EYS: variants seen among roughly 807,000 people sequenced by gnomAD.
EYS encodes the protein EGF-like photoreceptor maintenance factor, also known as protein eyes shut homolog.
In EYS, 250 loss-of-function variants were observed where a neutral mutation model predicts 282.1. The ratio of observed to expected loss-of-function variants is 0.89; its 90% CI spans 0.80 to 0.98. The LOEUF (loss-of-function observed/expected upper bound fraction) is 0.98. Among genes scored for constraint, EYS ranks in the 50% least tolerant of loss-of-function variants. The probability of loss-of-function intolerance (pLI) is 0.00; values close to 1 mark genes in which losing one functional copy is unlikely to be tolerated. For missense variants in EYS, 4,016 were observed against 3,709.0 expected, an observed-to-expected ratio of 1.08 and a Z score of -2.15; for synonymous variants, 1,355 against 1,282.9, an observed-to-expected ratio of 1.06 and a Z score of -1.20.
At chr6:64,708,062 G>A (rs963783446) in intron 22 of EYS, among the ~76,000 whole-genome samples, 2 of 152,022 alleles carry the variant, frequency 1.3e-5, no homozygotes, top group African/African-American at 2.4e-5. Flanking sequence ...AAACACAAAT[G>A]AAGACATACC....
chr6:65,071,877 T>A (rs1254108208), intron 12 of EYS, among the ~76,000 whole-genome samples: 1 of 151,842 alleles, frequency 6.6e-6, no homozygotes, highest in Non-Finnish European at 1.5e-5. Context: ...AGGTCTTCAC[T>A]CTACTACATA....
chr6:64,284,188 C>T (rs928580546), intron 30 of EYS, among the ~76,000 whole-genome samples: 3 of 152,188 alleles, frequency 2.0e-5, no homozygotes, highest in Non-Finnish European at 4.4e-5. Context: ...AAATCAAAAG[C>T]AAGTAAGTTA....
At chr6:65,341,032 T>A (rs1253791658) in intron 10 of EYS, among the ~76,000 whole-genome samples, 1 of 150,932 alleles carries the variant, frequency 6.6e-6, no homozygotes, top group Non-Finnish European at 1.5e-5. Context: ...ATAAAAAAAA[T>A]TCGAATATAT....
At chr6:65,460,538 A>T (rs1582325546) in intron 5 of EYS, among the ~76,000 whole-genome samples, 1 of 152,036 alleles carries the variant, frequency 6.6e-6, no homozygotes, top group Non-Finnish European at 1.5e-5. Flanking sequence ...GTTGAAAATA[A>T]TTATAGTGTT....
chr6:64,155,861 C>T (rs1229153292), intron 31 of EYS, among the ~76,000 whole-genome samples: 1 of 151,678 alleles, frequency 6.6e-6, no homozygotes, highest in South Asian at 2.1e-4. Context: ...TGTGTGAGTG[C>T]CTTACTTGCC....
At chr6:63,986,784 A>G (rs540554643) in intron 34 of EYS, among the ~76,000 whole-genome samples, 40 of 151,736 alleles carry the variant, frequency 2.6e-4, no homozygotes, top group African/African-American at 9.4e-4. Flanking sequence ...CTTGAGGGTA[A>G]AGGGTAGGAG....
At chr6:64,704,572 A>ATAATATTATAATTAT (rs1770929310) in intron 22 of EYS, among the ~76,000 whole-genome samples, 2 of 141,644 alleles carry the variant, frequency 1.4e-5, no homozygotes, top group East Asian at 2.5e-4. Context: ...CTCTCATTGA[A>ATAATATTATAATTAT]AGTAGATTTG....
At chr6:63,948,562 T>C (rs1169260804) in intron 35 of EYS, among the ~76,000 whole-genome samples, 2 of 152,174 alleles carry the variant, frequency 1.3e-5, no homozygotes, top group Non-Finnish European at 2.9e-5. Context: ...TGTTTTTCCA[T>C]TTTAGGGGAC....
chr6:64,660,306 A>C (rs1768952039), intron 22 of EYS, among the ~76,000 whole-genome samples: 1 of 152,008 alleles, frequency 6.6e-6, no homozygotes, highest in Non-Finnish European at 1.5e-5. Flanking sequence ...AACTGGAAGC[A>C]TTCCCTTTGA....
chr6:65,452,241 T>C (rs1764431401), intron 5 of EYS, among the ~76,000 whole-genome samples: 2 of 151,770 alleles, frequency 1.3e-5, no homozygotes, highest in South Asian at 4.1e-4. Flanking sequence ...TTAAGGGATA[T>C]TTTTATCATT....
chr6:64,048,628 C>A (rs1253548080), intron 33 of EYS, among the ~76,000 whole-genome samples: 1 of 152,126 alleles, frequency 6.6e-6, no homozygotes, highest in Admixed American at 6.6e-5. Flanking sequence ...AATTATTTTA[C>A]ATCATCAGAT....
intron 19 of EYS, among the ~76,000 whole-genome samples, chr6:64,856,321 A>G (rs1480938766): frequency 3.3e-5 from 5 of 151,856 alleles, no homozygotes; most frequent in Non-Finnish European, 7.4e-5. Context: ...TTTTTCCCAG[A>G]AAGGGTCTCA....
chr6:64,296,596 ATATTTTTTTTTT>A (rs1561913896), intron 30 of EYS, among the ~76,000 whole-genome samples: 4 of 6,160 alleles, frequency 6.5e-4, no homozygotes, highest in Admixed American at 2.0e-3. Context: ...ATATATATAT[ATATTTTTTTTTT>A]TTTTTTTTTT....
At chr6:65,530,365 CCTGT>C (rs913249740) in intron 2 of EYS, among the ~76,000 whole-genome samples, 1 of 152,094 alleles carries the variant, frequency 6.6e-6, no homozygotes, top group African/African-American at 2.4e-5. Flanking sequence ...CAGCCCACCA[CCTGT>C]CTTTGTAAAT....
chr6:64,095,208 T>C (rs1440849514), intron 31 of EYS, among the ~76,000 whole-genome samples: 3 of 152,212 alleles, frequency 2.0e-5, no homozygotes, highest in African/African-American at 7.2e-5. Context: ...TGTGGTGTGA[T>C]GCTGAAAAGA....
intron 35 of EYS, among the ~76,000 whole-genome samples, chr6:63,961,366 G>T (rs1217866943): frequency 1.3e-5 from 2 of 151,192 alleles, no homozygotes; most frequent in African/African-American, 4.9e-5. Context: ...TTAACTGAGC[G>T]ATTAACCTTG....
chr6:65,402,600 A>G lies in EYS; in HGVS notation c.1062T>C (p.Val354=). Residue 354 remains valine, a synonymous_variant, in exon 7 of 43, where the codon GTT becomes GTC. Transcript: ENST00000503581. The part of the protein sequence containing the change: ...GTDCIKISND[V]MCICSPIFTD... ...TAAATATTGGTGAACAGATGCACAT[A>G]ACATCCTAGGAAAGATTAAAAAAAT... The G allele has an allele frequency of 6.4e-7, 1 of 1,573,634 alleles. No homozygotes were observed.
At chr6:64,585,660 A>T (rs1227195676) in intron 26 of EYS, among the ~76,000 whole-genome samples, 2 of 152,056 alleles carry the variant, frequency 1.3e-5, no homozygotes, top group Non-Finnish European at 2.9e-5. Context: ...TATATATAGC[A>T]TGTATATCTA....
At chr6:63,923,202 T>C (rs1028911714) in intron 35 of EYS, among the ~76,000 whole-genome samples, 8 of 152,170 alleles carry the variant, frequency 5.3e-5, no homozygotes, top group African/African-American at 1.9e-4. Context: ...GTTAATTTCA[T>C]TCCCCTAGAA....
Sources: gnomAD v4.1 joint callset for allele counts (sites outside exome capture counted in the v4.1 genomes callset) on GRCh38, gnomAD v4.1.1 for gene constraint, MANE v1.5 for transcripts, NCBI Gene and HGNC (gene_info 2026-07-23, HGNC 2026-07-21) for gene names.